AHR: variants seen among roughly 807,000 people sequenced by gnomAD.
AHR encodes the protein AH-receptor.
In AHR, 40 loss-of-function variants were observed where a neutral mutation model predicts 86.8. That is an observed-to-expected ratio of 0.46 (90% CI 0.36 to 0.60). The LOEUF is 0.60. Among genes scored for constraint, AHR ranks in the 20% least tolerant of loss-of-function variants. The pLI is 0.00. For missense variants in AHR, 1,001 were observed against 1,011.6 expected (o/e 0.99, Z 0.14); for synonymous variants, 398 against 354.9 (o/e 1.12, Z -1.37).
At chr7:17,301,900 T>G (rs1450408758) in intron 1 of AHR, among the ~76,000 whole-genome samples, 3 of 151,920 alleles carry the variant, frequency 2.0e-5, no homozygotes, top group African/African-American at 7.2e-5. Context: ...ATAACTTTCA[T>G]TATAGAATCT....
intron 2 of AHR, among the ~76,000 whole-genome samples, chr7:17,317,730 T>G (rs1233833691): frequency 6.6e-6 from 1 of 152,126 alleles, no homozygotes; most frequent in Non-Finnish European, 1.5e-5. Flanking sequence ...AAGCATTGTA[T>G]TTTAAGCCTT....
In AHR at chr7:17,343,292, G is replaced by A. The variant is rs577461634; in HGVS notation, c.*228G>A. The A allele has an allele frequency of 5.3e-5, 29 of 543,618 alleles. No individual in the cohort carries two copies. The highest frequency in any genetic ancestry group is 1.3e-4 in the East Asian group (4 of 30,502). The allele number at this position is 543,618 out of a possible 1,614,324, so 33.7% of individuals were successfully genotyped here. ...GTCAAGATAGAAAGGGTGCTGCCACGGAGTGGTGAGGTACCGTCTACATTT... is the reference window on the plus strand; with the variant it reads ...GTCAAGATAGAAAGGGTGCTGCCACAGAGTGGTGAGGTACCGTCTACATTT... On this transcript the variant is annotated 3_prime_UTR_variant, in exon 11 of 11. Transcript: ENST00000242057.
intron 2 of AHR, among the ~76,000 whole-genome samples, chr7:17,318,831 A>G (rs1032834962): frequency 1.3e-5 from 2 of 152,144 alleles, no homozygotes; most frequent in Non-Finnish European, 2.9e-5. Context: ...TATGTATTAT[A>G]TACTGTATTC....
chr7:17,332,134 C>T (rs981677557), intron 6 of AHR, among the ~76,000 whole-genome samples: 10 of 151,826 alleles, frequency 6.6e-5, no homozygotes, highest in African/African-American at 2.4e-4. Context: ...TAGCATTGCT[C>T]ACATGTTGAT....
intron 2 of AHR, 23 bp from the exon 3 acceptor site, chr7:17,322,478 T>C: frequency 6.7e-7 from 1 of 1,490,588 alleles, no homozygotes. Context: ...TTTAAAATCA[T>C]TGTTTTTCCT....
intron 2 of AHR, among the ~76,000 whole-genome samples, chr7:17,310,682 C>T (rs2115353388): frequency 6.6e-6 from 1 of 151,862 alleles, no homozygotes; most frequent in East Asian, 1.9e-4. Flanking sequence ...TTATAGGCGC[C>T]CACCACCACG....
chr7:17,306,315 T>G (rs951439205), intron 1 of AHR, among the ~76,000 whole-genome samples: 1 of 152,212 alleles, frequency 6.6e-6, no homozygotes, highest in Non-Finnish European at 1.5e-5. Context: ...ATATTAAATA[T>G]TTTAACAAAA....
At chr7:17,322,635 C>A in intron 3 of AHR, 28 bp downstream of exon 3, 2 of 1,336,630 alleles carry the variant, frequency 1.5e-6, no homozygotes, top group Non-Finnish European at 2.1e-6. Flanking sequence ...TAGTTTCTTA[C>A]ACTAAGGACA....
chr7:17,319,965 C>T (rs1324734820), intron 2 of AHR, among the ~76,000 whole-genome samples: 1 of 152,010 alleles, frequency 6.6e-6, no homozygotes, highest in African/African-American at 2.4e-5. Context: ...TAACCTTAAA[C>T]ACAAGAGCAA....
intron 2 of AHR, 84 bp downstream of exon 2, chr7:17,310,207 C>T: frequency 7.8e-7 from 1 of 1,287,748 alleles, no homozygotes; most frequent in East Asian, 2.4e-5. Flanking sequence ...TTAATAACTA[C>T]AAAAATTAGC....
chr7:17,329,482 G>T (rs1782263440), intron 4 of AHR, among the ~76,000 whole-genome samples: 1 of 151,868 alleles, frequency 6.6e-6, no homozygotes, highest in African/African-American at 2.4e-5. Flanking sequence ...ACAATCCCTT[G>T]CTCTTGTGGA....
At chr7:17,342,797 A>G in intron 10 of AHR, 124 bp from the exon 11 acceptor site, 1 of 884,440 alleles carries the variant, frequency 1.1e-6, no homozygotes, top group Non-Finnish European at 1.7e-6. Flanking sequence ...TAGCAACAGT[A>G]AAGGAACTTG....
rs34657853 is a variant in AHR at position 17,298,659 on chromosome 7, G to C, written c.-606G>C. The C allele has an allele frequency of 2.1e-3, 827 of 394,056 alleles. 4 individuals are homozygous for C. In the Middle Eastern group the frequency reaches 0.029, roughly 14 times the overall value. The allele number at this position is 394,056 out of a possible 1,614,324, so 24.4% of individuals were successfully genotyped here. On this transcript the variant is annotated 5_prime_UTR_variant, in exon 1 of 11. Transcript: ENST00000242057. The stretch of plus-strand genomic sequence containing the variant: ...CGCGCGGCGGCGGGAGGCAGTGGCT[G>C]GGGAGTCCCGTCGACGCTCTGTTCC...
intron 5 of AHR, 88 bp from the exon 6 acceptor site, chr7:17,330,668 T>G: frequency 7.9e-7 from 1 of 1,259,626 alleles, no homozygotes; most frequent in Non-Finnish European, 1.1e-6. Context: ...AGACTCCAGT[T>G]TAGAAACTAA....
intron 1 of AHR, among the ~76,000 whole-genome samples, chr7:17,305,385 T>C (rs1246377476): frequency 6.6e-6 from 1 of 152,048 alleles, no homozygotes; most frequent in Admixed American, 6.6e-5. Flanking sequence ...GAAGAATGAA[T>C]GGGGTTAAGA....
intron 1 of AHR, among the ~76,000 whole-genome samples, chr7:17,308,370 T>C (rs989667287): frequency 6.6e-6 from 1 of 152,160 alleles, no homozygotes; most frequent in African/African-American, 2.4e-5. Context: ...AAGCAGTTGC[T>C]GCTTCTGCTT....
chr7:17,316,068 G>T (rs1782112533), intron 2 of AHR, among the ~76,000 whole-genome samples: 1 of 152,172 alleles, frequency 6.6e-6, no homozygotes, highest in Admixed American at 6.6e-5. Context: ...GAGTATGAAA[G>T]TATGCTAAGG....
At chr7:17,300,785 G>A (rs1360007779) in intron 1 of AHR, among the ~76,000 whole-genome samples, 2 of 152,098 alleles carry the variant, frequency 1.3e-5, no homozygotes, top group Non-Finnish European at 2.9e-5. Context: ...TCTGTTCTAT[G>A]TGTTTATTAA....
At chr7:17,328,285 T>C (rs1377287132) in intron 4 of AHR, among the ~76,000 whole-genome samples, 1 of 152,006 alleles carries the variant, frequency 6.6e-6, no homozygotes, top group Non-Finnish European at 1.5e-5. Context: ...TCAAATGGTA[T>C]GTAAGCTGAC....
Sources: allele counts gnomAD v4.1 joint callset (sites outside exome capture counted in the v4.1 genomes callset), GRCh38; gene constraint gnomAD v4.1.1; transcripts MANE v1.5; gene names NCBI Gene and HGNC (gene_info 2026-07-23, HGNC 2026-07-21).